Variants in PGAM5 observed in about 807,000 individuals in gnomAD.
PGAM5 encodes the protein serine/threonine-protein phosphatase PGAM5, mitochondrial.
Under a neutral mutation model 30.6 loss-of-function variants are expected in PGAM5, and 25 were observed. The ratio of observed to expected loss-of-function variants is 0.82; its 90% CI spans 0.60 to 1.14. The LOEUF (loss-of-function observed/expected upper bound fraction) is 1.14, where lower values mean the gene tolerates loss of function less well. PGAM5 is among the 50% of genes most tolerant of loss of function. The pLI, the probability that PGAM5 is intolerant of heterozygous loss-of-function variation, is 0.00. For synonymous variants in PGAM5, 201 were observed against 179.1 expected (o/e 1.12, Z -0.98); for missense variants, 384 against 408.5 (o/e 0.94, Z 0.52).
Position 132,710,849 on chromosome 12 carries a change from T to A in PGAM5, c.-28T>A. ...GAGCGCCGTCGGGGCCGTGGGCGCC[T>A]GCGCGGGCCGGCGCGGGAGCAAGCG... On this transcript the variant is annotated 5_prime_UTR_variant, in exon 1 of 6. Coordinates refer to ENST00000498926, the MANE Select transcript of PGAM5 (RefSeq NM_001170543.2). The A allele has an allele frequency of 9.0e-7, 1 of 1,106,692 alleles. No individual in the cohort carries two copies. The highest frequency in any genetic ancestry group is 1.1e-6 in the Non-Finnish European group (1 of 908,786). The allele number at this position is 1,106,692 out of a possible 1,614,324, so 68.6% of individuals were successfully genotyped here.
chr12:132,717,629 T>G (rs928043720), intron 3 of PGAM5, 65 bp downstream of exon 3: 1 of 1,594,472 alleles, frequency 6.3e-7, no homozygotes, highest in African/African-American at 1.3e-5. Context: ...GGCCCCGGCC[T>G]GAGCTCCTGG....
intron 2 of PGAM5, among the ~76,000 whole-genome samples, chr12:132,716,383 C>G (rs571749608): frequency 2.0e-4 from 30 of 151,970 alleles, no homozygotes; most frequent in Non-Finnish European, 3.8e-4. Flanking sequence ...CCACACCCAG[C>G]CTAATTTTTT....
At chr12:132,718,279 C>T (rs975452930) in intron 5 of PGAM5, among the ~76,000 whole-genome samples, 159 bp downstream of exon 5, 7 of 150,386 alleles carry the variant, frequency 4.7e-5, no homozygotes, top group Admixed American at 3.3e-4. Flanking sequence ...TAGTCAGTTA[C>T]GCGGTAGGTG....
Position 132,718,138 on chromosome 12 carries a change from T to A in PGAM5, c.719+18T>A. The A allele has an allele frequency of 3.7e-6, 6 of 1,612,200 alleles. No homozygotes were observed. The East Asian group carries it at 1.3e-4, about 36-fold the overall frequency. ...GTGTGCAGGTAGGCAGCTGCTGGGC[T>A]GGGCGTGGTCTAAAATAATTTCAGA... On this transcript the variant is annotated intron_variant, in intron 5 of 5. Coordinates refer to ENST00000498926, the MANE Select transcript of PGAM5 (RefSeq NM_001170543.2).
Position 132,711,135 on chromosome 12 carries a change from A to G in PGAM5, c.191+68A>G, listed in dbSNP as rs7973452. On this transcript the variant is annotated intron_variant, in intron 1 of 5. Coordinates refer to ENST00000498926, the MANE Select transcript of PGAM5 (RefSeq NM_001170543.2). Reference sequence around the variant, plus strand: ...AGGGCAGGTGTTACCGTTGGGATCGAGATCGGGACCAGGTTTAAGGTTGCG... The same window carrying G: ...AGGGCAGGTGTTACCGTTGGGATCGGGATCGGGACCAGGTTTAAGGTTGCG... 0.62 allele frequency: 695,211 copies of G among 1,118,394 alleles called. 219,289 individuals are homozygous for G. Among genetic ancestry groups the G allele is most frequent in the East Asian group, 0.84 (22,498 of 26,920 alleles). The allele number at this position is 1,118,394 out of a possible 1,614,324, so 69.3% of individuals were successfully genotyped here. A position where few individuals can be genotyped will look rare whatever the true frequency, so the allele number is the denominator to read the frequency against.
intron 1 of PGAM5, 26 bp from the exon 2 acceptor site, chr12:132,714,832 G>A (rs2043555983): frequency 6.2e-7 from 1 of 1,610,244 alleles, no homozygotes; most frequent in African/African-American, 1.3e-5. Flanking sequence ...GAGGTCTCAA[G>A]GACATATCTT....
intron 5 of PGAM5, chr12:132,718,857 G>T (rs777110278): frequency 1.9e-6 from 3 of 1,612,800 alleles, no homozygotes; most frequent in Admixed American, 1.7e-5. Flanking sequence ...GTGTGCCAGC[G>T]TGACGGCTCG....
intron 2 of PGAM5, among the ~76,000 whole-genome samples, chr12:132,715,536 A>G (rs560640555): frequency 3.6e-5 from 5 of 139,298 alleles, no homozygotes; most frequent in Non-Finnish European, 7.6e-5. Context: ...GCACCACTGC[A>G]CTCCAGCCTG....
intron 5 of PGAM5, among the ~76,000 whole-genome samples, chr12:132,719,718 G>C (rs927333898): frequency 1.3e-5 from 2 of 152,266 alleles, no homozygotes; most frequent in Non-Finnish European, 2.9e-5. Flanking sequence ...GAATATGGCT[G>C]TGCTGTTCCG....
chr12:132,714,782 G>A lies in PGAM5; in HGVS notation c.192-76G>A, dbSNP rs2043555546. On this transcript the variant is annotated intron_variant, in intron 1 of 5. Transcript: ENST00000498926. ...CTCTTCCCAAATAGTCTGACAATTT[G>A]GAAATAACATCTTGTCAGAAAAACT... 5.3e-6 allele frequency: 8 copies of A among 1,517,676 alleles called. 1 individual carries two copies. Among genetic ancestry groups the A allele is most frequent in the South Asian group, 3.6e-5 (3 of 82,976 alleles). The allele number at this position is 1,517,676 out of a possible 1,614,324, so 94.0% of individuals were successfully genotyped here.
chr12:132,712,354 T>C (rs2043531928), intron 1 of PGAM5, among the ~76,000 whole-genome samples: 1 of 152,230 alleles, frequency 6.6e-6, no homozygotes, highest in Non-Finnish European at 1.5e-5. Flanking sequence ...TCATGAGTGT[T>C]TGAGGCGTCC....
At chr12:132,716,596 T>C (rs2136083407) in intron 2 of PGAM5, among the ~76,000 whole-genome samples, 1 of 152,302 alleles carries the variant, frequency 6.6e-6, no homozygotes, top group Non-Finnish European at 1.5e-5. Flanking sequence ...CTGTCCCCAC[T>C]GGCAGATGCT....
At chr12:132,711,499 C>G (rs2043522434) in intron 1 of PGAM5, 1 of 152,564 alleles carries the variant, frequency 6.6e-6, no homozygotes, top group South Asian at 2.1e-4. Context: ...AAACTTAACG[C>G]AAGCAGGGCC....
In PGAM5 at chr12:132,714,993, C is replaced by T. The variant is rs528353472; in HGVS notation, c.327C>T (p.His109=). 1.1e-5 allele frequency: 18 copies of T among 1,613,324 alleles called. No individual in the cohort carries two copies. The East Asian group carries it at 2.5e-4, about 22-fold the overall frequency. Residue 109 remains histidine, a synonymous_variant, in exon 2 of 6, where the codon CAC becomes CAT. Transcript: ENST00000498926. ...HIFLIRHSQY[H]VDGSLEKDRT... ...TCCTCATCAGGCATTCCCAGTACCA[C>T]GTGGATGGCTCCCTGGAGAAGGACC...
chr12:132,722,656 A>G lies in PGAM5; in HGVS notation c.*1828A>G, dbSNP rs1201365860. The G allele has an allele frequency of 6.6e-6, 1 of 152,268 alleles. No individual in the cohort carries two copies. The highest frequency in any genetic ancestry group is 1.5e-5 in the Non-Finnish European group (1 of 68,048). 9.4% of individuals were successfully genotyped at this position (152,268 alleles called of 1,614,324 possible). A position where few individuals can be genotyped will look rare whatever the true frequency, so the allele number is the denominator to read the frequency against. On this transcript the variant is annotated 3_prime_UTR_variant, in exon 6 of 6. Coordinates refer to ENST00000498926, the MANE Select transcript of PGAM5 (RefSeq NM_001170543.2). Reference sequence around the variant, plus strand: ...TGTGACTATTTTCTGTAGTCAATACAGTTGGGATATCTGATCTATTTCTCT... The same window carrying G: ...TGTGACTATTTTCTGTAGTCAATACGGTTGGGATATCTGATCTATTTCTCT...
At position 132,720,364 on chromosome 12, in the gene PGAM5, G is replaced by T. The variant is rs1233235836; in HGVS notation, c.720-314G>T. The stretch of plus-strand genomic sequence containing the variant: ...GCTCTGTCACCCAGGCTGGAGTGCA[G>T]TGGCGCGATCTCAGCTCACTGCAAG... On this transcript the variant is annotated intron_variant, in intron 5 of 5. Transcript: ENST00000498926. 1.7e-4 allele frequency among the ~76,000 whole-genome samples: 26 copies of T among 150,868 alleles called. No individual in the cohort carries two copies. The Admixed American group carries it at 1.7e-3, about 10-fold the overall frequency.
In PGAM5 at chr12:132,710,971, G is replaced by A; in HGVS notation, c.95G>A (p.Arg32His). The change falls in exon 1 of 6, where the codon CGC becomes CAC. Residue 32 changes from arginine to histidine, a missense_variant. Transcript: ENST00000498926. ...LFSAVAVGKPRAGGDAEPRPA... is the reference protein window; with the variant it reads ...LFSAVAVGKPHAGGDAEPRPA... Reference sequence around the variant, plus strand: ...TCGGCCGTGGCGGTAGGGAAGCCGCGCGCAGGCGGGGACGCGGAGCCACGC... The same window carrying A: ...TCGGCCGTGGCGGTAGGGAAGCCGCACGCAGGCGGGGACGCGGAGCCACGC... 1 of 1,191,174 alleles carries A rather than the reference G, an allele frequency of 8.4e-7. No individual in the cohort carries two copies. Among genetic ancestry groups the A allele is most frequent in the Non-Finnish European group, 1.0e-6 (1 of 962,456 alleles). 73.8% of individuals were successfully genotyped at this position (1,191,174 alleles called of 1,614,324 possible).
chr12:132,717,931 T>G, intron 4 of PGAM5, 56 bp from the exon 5 acceptor site: 2 of 1,607,688 alleles, frequency 1.2e-6, no homozygotes, highest in Non-Finnish European at 1.7e-6. Context: ...TCTGTCCTCC[T>G]GACACCCGCC....
At chr12:132,714,716 C>T (rs556540515) in intron 1 of PGAM5, 142 bp from the exon 2 acceptor site, 2 of 852,888 alleles carry the variant, frequency 2.3e-6, no homozygotes, top group Non-Finnish European at 3.6e-6. Flanking sequence ...CTCAGAGAGG[C>T]CTCCCCAGGG....
Sources: gnomAD v4.1 joint callset for allele counts (sites outside exome capture counted in the v4.1 genomes callset) on GRCh38, gnomAD v4.1.1 for gene constraint, MANE v1.5 for transcripts, NCBI Gene and HGNC (gene_info 2026-07-23, HGNC 2026-07-21) for gene names.